Variants in ST3GAL6 observed in about 807,000 individuals in gnomAD.
The protein encoded by ST3GAL6 is type 2 lactosamine alpha-2,3-sialyltransferase.
Under a neutral mutation model 40.5 loss-of-function variants are expected in ST3GAL6, and 31 were observed. The ratio of observed to expected loss-of-function variants is 0.77; its 90% CI spans 0.58 to 1.03. The LOEUF is 1.03. Ranked by LOEUF, ST3GAL6 falls within the 50% of genes least tolerant of loss-of-function variation. ST3GAL6 has a pLI of 0.00. For synonymous variants in ST3GAL6, 129 were observed against 136.9 expected, an observed-to-expected ratio of 0.94 and a Z score of 0.40; for missense variants, 357 against 393.2, an observed-to-expected ratio of 0.91 and a Z score of 0.78.
intron 6 of ST3GAL6, among the ~76,000 whole-genome samples, chr3:98,786,822 T>C (rs1940764213): frequency 6.6e-6 from 1 of 152,022 alleles, no homozygotes; most frequent in African/African-American, 2.4e-5. Flanking sequence ...GGTTAATGTT[T>C]CATAATGGAA....
intron 1 of ST3GAL6, among the ~76,000 whole-genome samples, chr3:98,744,810 T>C (rs1290005125): frequency 2.0e-5 from 3 of 152,074 alleles, no homozygotes; most frequent in Admixed American, 6.6e-5. Flanking sequence ...TTCCAAATAG[T>C]GTGGCATGTT....
At chr3:98,766,781 C>G (rs1938401153) in intron 1 of ST3GAL6, among the ~76,000 whole-genome samples, 1 of 152,114 alleles carries the variant, frequency 6.6e-6, no homozygotes. Context: ...TAAGATGTTC[C>G]TCACTATTTT....
chr3:98,791,760 A>T, intron 8 of ST3GAL6, 81 bp from the exon 9 acceptor site: 1 of 1,284,882 alleles, frequency 7.8e-7, no homozygotes, highest in Non-Finnish European at 1.1e-6. Flanking sequence ...TCCCTGTTTT[A>T]TATGATTCAG....
intron 1 of ST3GAL6, among the ~76,000 whole-genome samples, chr3:98,750,495 G>T (rs1295251298): frequency 6.6e-6 from 1 of 151,978 alleles, no homozygotes; most frequent in Admixed American, 6.6e-5. Context: ...AGTAACATTC[G>T]AATGTTCCTG....
chr3:98,788,399 C>T lies in ST3GAL6; in HGVS notation c.692C>T (p.Pro231Leu). ...YKPYQIRILD[P>L]FIIRTAAYEL... ...CCTTATCAAATCCGAATATTAGATC[C>T]TTTCATTATCAGAACAGCAGCTTAT... is the stretch of plus-strand genomic sequence containing the variant. The change falls in exon 8 of 10, where the codon CCT becomes CTT. Residue 231 changes from proline (P) to leucine (L), a missense_variant. Physicochemically the swap from Pro to Leu is moderately conservative, Grantham distance 98. Transcript: ENST00000483910. 1 of 1,613,026 alleles carries T rather than the reference C, an allele frequency of 6.2e-7. No homozygotes were observed. The highest frequency in any genetic ancestry group is 8.5e-7 in the Non-Finnish European group (1 of 1,179,672).
At chr3:98,763,535 T>G in intron 1 of ST3GAL6, 96 bp downstream of exon 1, 1 of 1,163,158 alleles carries the variant, frequency 8.6e-7, no homozygotes, top group Non-Finnish European at 1.1e-6. Context: ...ACAGGCTGTG[T>G]GGAGGTAGAA....
chr3:98,792,058 C>T, intron 9 of ST3GAL6, 65 bp downstream of exon 9: 1 of 1,401,794 alleles, frequency 7.1e-7, no homozygotes, highest in South Asian at 1.8e-5. Flanking sequence ...ATGGAAAGCC[C>T]ATATTTTCTC....
At chr3:98,782,645 A>C (rs1940249319) in intron 5 of ST3GAL6, 1 of 458,180 alleles carries the variant, frequency 2.2e-6, no homozygotes, top group South Asian at 2.1e-5. Flanking sequence ...TTCTGAAAAC[A>C]TCTCCAACTT....
chr3:98,740,883 A>G (rs1012192468), intron 1 of ST3GAL6, among the ~76,000 whole-genome samples: 3 of 152,092 alleles, frequency 2.0e-5, no homozygotes, highest in African/African-American at 7.2e-5. Context: ...TTTTTCTCAG[A>G]TCTGTTTCCT....
intron 2 of ST3GAL6, among the ~76,000 whole-genome samples, chr3:98,768,917 G>C (rs1170368839): frequency 6.6e-6 from 1 of 152,104 alleles, no homozygotes; most frequent in Non-Finnish European, 1.5e-5. Flanking sequence ...GGTTTCCTTT[G>C]TTTAAATATA....
intron 1 of ST3GAL6, among the ~76,000 whole-genome samples, chr3:98,739,939 G>A (rs1202312856): frequency 6.6e-6 from 1 of 152,160 alleles, no homozygotes; most frequent in Non-Finnish European, 1.5e-5. Context: ...GATAGGTTGT[G>A]GTAATTAAAG....
At chr3:98,735,861 A>G (rs542879606) in intron 1 of ST3GAL6, among the ~76,000 whole-genome samples, 3 of 152,364 alleles carry the variant, frequency 2.0e-5, no homozygotes, top group South Asian at 2.1e-4. Context: ...TGTCAGAAAC[A>G]CAATTCCCTC....
rs1941412174 is a variant in ST3GAL6 at position 98,793,947 on chromosome 3, T to A, written c.*186T>A. On this transcript the variant is annotated 3_prime_UTR_variant, in exon 10 of 10. Coordinates refer to ENST00000483910, the MANE Select transcript of ST3GAL6 (RefSeq NM_001323368.2). ...TATTTAACTTATGAAAACCAAGAAA[T>A]GTAAAGATAACAGGAAAATAAGTTT... 5.1e-6 allele frequency: 2 copies of A among 388,928 alleles called. No homozygotes were observed. Among genetic ancestry groups the A allele is most frequent in the Non-Finnish European group, 9.1e-6 (2 of 219,046 alleles). The allele number at this position is 388,928 out of a possible 1,614,324, so 24.1% of individuals were successfully genotyped here.
intron 1 of ST3GAL6, chr3:98,756,419 C>T: frequency 4.7e-6 from 6 of 1,289,720 alleles, no homozygotes; most frequent in Non-Finnish European, 6.1e-6. Flanking sequence ...TAATTTCTAA[C>T]AGAGAGGCCC....
At chr3:98,745,648 A>C (rs983915430) in intron 1 of ST3GAL6, among the ~76,000 whole-genome samples, 3 of 152,194 alleles carry the variant, frequency 2.0e-5, no homozygotes, top group Non-Finnish European at 4.4e-5. Context: ...ACCAACTTTC[A>C]GAAGTTTAGG....
intron 1 of ST3GAL6, among the ~76,000 whole-genome samples, chr3:98,767,299 A>G (rs1938461646): frequency 6.6e-6 from 1 of 152,264 alleles, no homozygotes; most frequent in Non-Finnish European, 1.5e-5. Flanking sequence ...CATATTATCA[A>G]GAAAAGTTTA....
At chr3:98,739,936 TGTG>T (rs1478628997) in intron 1 of ST3GAL6, among the ~76,000 whole-genome samples, 1 of 152,222 alleles carries the variant, frequency 6.6e-6, no homozygotes, top group Admixed American at 6.5e-5. Context: ...ATTGATAGGT[TGTG>T]GTAATTAAAG....
At chr3:98,735,306 T>G (rs1935440204) in intron 1 of ST3GAL6, among the ~76,000 whole-genome samples, 1 of 152,220 alleles carries the variant, frequency 6.6e-6, no homozygotes, top group Non-Finnish European at 1.5e-5. Context: ...CCATTTCCTG[T>G]GCATATCTTT....
At chr3:98,769,662 A>G (rs1199835760) in intron 2 of ST3GAL6, among the ~76,000 whole-genome samples, 1 of 152,206 alleles carries the variant, frequency 6.6e-6, no homozygotes, top group Non-Finnish European at 1.5e-5. Flanking sequence ...TCCTCAGCTA[A>G]CACATTACTA....
Sources: allele counts gnomAD v4.1 joint callset (sites outside exome capture counted in the v4.1 genomes callset), GRCh38; gene constraint gnomAD v4.1.1; transcripts MANE v1.5; gene names NCBI Gene and HGNC (gene_info 2026-07-23, HGNC 2026-07-21).